The following PAX5 variants were observed in gnomAD, a reference collection of about 807,000 sequenced individuals.
PAX5 encodes paired box 5.
In PAX5, 9 loss-of-function variants were observed where a neutral mutation model predicts 43.7. The ratio of observed to expected loss-of-function variants is 0.21; its 90% CI spans 0.12 to 0.36. PAX5 has a LOEUF of 0.36. Ranked by LOEUF, PAX5 falls within the 10% of genes least tolerant of loss-of-function variation. PAX5 has a pLI of 1.00. For synonymous variants in PAX5, 228 were observed against 214.3 expected (o/e 1.06, Z -0.56); for missense variants, 383 against 532.7 (o/e 0.72, Z 2.77).
intron 2 of PAX5, among the ~76,000 whole-genome samples, chr9:37,019,343 G>C (rs1463168055): frequency 6.6e-6 from 1 of 151,886 alleles, no homozygotes; most frequent in African/African-American, 2.4e-5. Context: ...CTATCTCTGG[G>C]GTTCATTTGC....
At chr9:36,885,455 G>C (rs922545045) in intron 7 of PAX5, among the ~76,000 whole-genome samples, 13 of 152,182 alleles carry the variant, frequency 8.5e-5, no homozygotes, top group African/African-American at 3.1e-4. Context: ...AGCGCTTACG[G>C]AGAGTAAACT....
chr9:36,970,602 A>C (rs1261105235), intron 5 of PAX5, among the ~76,000 whole-genome samples: 1 of 152,156 alleles, frequency 6.6e-6, no homozygotes, highest in Non-Finnish European at 1.5e-5. Context: ...GGTAGAAACT[A>C]GGGGCCAGGG....
At chr9:36,878,204 G>A (rs985176402) in intron 8 of PAX5, among the ~76,000 whole-genome samples, 2 of 152,222 alleles carry the variant, frequency 1.3e-5, no homozygotes, top group African/African-American at 2.4e-5. Context: ...CAGGTTTGGG[G>A]AGATTTGTTA....
rs900881192 is a variant in PAX5 at position 36,984,708 on chromosome 9, A to C, written c.604+17940T>G. Among the ~76,000 whole-genome samples, 4 of 152,058 alleles carry C rather than the reference A, an allele frequency of 2.6e-5. No homozygotes were observed. In the East Asian group the frequency reaches 7.7e-4, roughly 29 times the overall value. ...TGACCTCAGGTGATCTGCCCACCTC[A>C]GCCTCCCAAAGTGCTGGGATTATAG... On this transcript the variant is annotated intron_variant, in intron 5 of 9. Transcript: ENST00000358127.
intron 3 of PAX5, among the ~76,000 whole-genome samples, chr9:37,010,111 CAAATTTT>C (rs575062753): frequency 1.1e-4 from 16 of 152,266 alleles, no homozygotes; most frequent in African/African-American, 3.9e-4. Context: ...CAACTCTAAA[CAAATTTT>C]AAATTTTAAA....
chr9:36,940,920 G>A (rs879535268), intron 6 of PAX5, among the ~76,000 whole-genome samples: 16 of 152,202 alleles, frequency 1.1e-4, no homozygotes, highest in Non-Finnish European at 7.3e-5. Flanking sequence ...CAGGTAGAGA[G>A]TGGATAATTA....
intron 5 of PAX5, among the ~76,000 whole-genome samples, chr9:36,986,160 G>C (rs1390550186): frequency 6.6e-6 from 1 of 151,606 alleles, no homozygotes; most frequent in Admixed American, 6.6e-5. Flanking sequence ...CGCGCCCCCC[G>C]GGGCCCCGGA....
At chr9:36,944,830 T>C (rs1350381604) in intron 6 of PAX5, among the ~76,000 whole-genome samples, 1 of 152,226 alleles carries the variant, frequency 6.6e-6, no homozygotes, top group Non-Finnish European at 1.5e-5. Flanking sequence ...TTAAAATAAA[T>C]GAAAGGGACA....
intron 1 of PAX5, among the ~76,000 whole-genome samples, chr9:37,021,006 C>T (rs547898525): frequency 6.6e-6 from 1 of 152,270 alleles, no homozygotes; most frequent in Admixed American, 6.5e-5. Context: ...CCATCTGCAG[C>T]CAGTCTGTTG....
At chr9:36,985,206 C>T (rs998976786) in intron 5 of PAX5, among the ~76,000 whole-genome samples, 1 of 152,170 alleles carries the variant, frequency 6.6e-6, no homozygotes, top group Non-Finnish European at 1.5e-5. Context: ...TCTCTGAGTG[C>T]CATGACAAAG....
intron 8 of PAX5, among the ~76,000 whole-genome samples, chr9:36,864,035 C>G (rs562091257): frequency 6.6e-6 from 1 of 152,236 alleles, no homozygotes; most frequent in Non-Finnish European, 1.5e-5. Context: ...CTTGAACCCA[C>G]GAGGCAGAGG....
At chr9:36,899,542 C>CT (rs982849038) in intron 7 of PAX5, among the ~76,000 whole-genome samples, 43 of 151,286 alleles carry the variant, frequency 2.8e-4, no homozygotes, top group East Asian at 1.4e-3. Context: ...GGACAGGAGG[C>CT]TTTTTTTTTG....
intron 5 of PAX5, among the ~76,000 whole-genome samples, chr9:36,977,524 T>TTTTTG (rs970066285): frequency 2.0e-5 from 3 of 151,972 alleles, no homozygotes; most frequent in Admixed American, 1.3e-4. Context: ...TTTTGGGGTT[T>TTTTTG]TTTTGTTTTG....
intron 7 of PAX5, among the ~76,000 whole-genome samples, chr9:36,889,950 G>T (rs923988626): frequency 5.7e-5 from 8 of 140,960 alleles, no homozygotes; most frequent in African/African-American, 1.3e-4. Context: ...ACGGGGGGGG[G>T]GGGAATGTGA....
intron 8 of PAX5, among the ~76,000 whole-genome samples, chr9:36,879,639 A>G (rs1826226234): frequency 6.6e-6 from 1 of 152,160 alleles, no homozygotes; most frequent in Admixed American, 6.5e-5. Context: ...CCCCCCGGAA[A>G]TTCCCTGGCT....
chr9:36,909,435 C>G (rs532372665), intron 7 of PAX5, among the ~76,000 whole-genome samples: 1 of 152,236 alleles, frequency 6.6e-6, no homozygotes, highest in South Asian at 2.1e-4. Flanking sequence ...TGAGCTGATA[C>G]TGGGGAAAGC....
chr9:37,011,144 A>G (rs1319045), intron 3 of PAX5, among the ~76,000 whole-genome samples: 78,782 of 145,442 alleles, frequency 0.54, 20,543 homozygotes, highest in Middle Eastern at 0.74. Flanking sequence ...AAAAAAAAAA[A>G]AAAGAAAGAG....
At chr9:36,894,070 C>T (rs1003431224) in intron 7 of PAX5, among the ~76,000 whole-genome samples, 9 of 152,188 alleles carry the variant, frequency 5.9e-5, no homozygotes, top group African/African-American at 2.2e-4. Context: ...CGAGACCCGC[C>T]ACGCCCCCAC....
intron 5 of PAX5, among the ~76,000 whole-genome samples, chr9:36,970,301 G>A (rs1347191285): frequency 6.6e-6 from 1 of 152,140 alleles, no homozygotes; most frequent in African/African-American, 2.4e-5. Flanking sequence ...GGGCAGAGAG[G>A]GTGCCAGACT....
Sources: gnomAD v4.1 joint callset for allele counts (sites outside exome capture counted in the v4.1 genomes callset) on GRCh38, gnomAD v4.1.1 for gene constraint, MANE v1.5 for transcripts, NCBI Gene and HGNC (gene_info 2026-07-23, HGNC 2026-07-21) for gene names.